SLC39A8: variants seen among roughly 807,000 people sequenced by gnomAD.
SLC39A8 encodes metal cation symporter ZIP8.
SLC39A8 carries 15 observed loss-of-function variants against 40.4 expected under a neutral mutation model. That is an observed-to-expected ratio of 0.37 (90% CI 0.25 to 0.57). The LOEUF is 0.57. Among genes scored for constraint, SLC39A8 ranks in the 20% least tolerant of loss-of-function variants. SLC39A8 has a pLI of 0.75. For missense variants in SLC39A8, 472 were observed against 558.8 expected, an observed-to-expected ratio of 0.84 and a Z score of 1.57; for synonymous variants, 223 against 221.6, an observed-to-expected ratio of 1.01 and a Z score of -0.06.
intron 2 of SLC39A8, among the ~76,000 whole-genome samples, chr4:102,343,996 T>C (rs1736048551): frequency 6.6e-6 from 1 of 152,154 alleles, no homozygotes; most frequent in Admixed American, 6.5e-5. Context: ...CGTTTTCAAA[T>C]AGCACTGGTT....
intron 6 of SLC39A8, among the ~76,000 whole-genome samples, chr4:102,298,956 TTCCTCCCAAGCCAATGTGGCAAGGCA>T (rs1369659391): frequency 1.3e-5 from 2 of 152,110 alleles, no homozygotes; most frequent in Non-Finnish European, 1.5e-5. Context: ...CCTCAAGTCC[TTCCTCCCAAGCCAATGTGGCAAGGCA>T]GCCACCCCAA....
At chr4:102,340,138 CCA>C (rs1489121117) in intron 2 of SLC39A8, among the ~76,000 whole-genome samples, 2 of 152,126 alleles carry the variant, frequency 1.3e-5, no homozygotes, top group Non-Finnish European at 2.9e-5. Context: ...TCATCTTAAA[CCA>C]TCTTCACCCA....
At chr4:102,336,927 AC>A (rs1199339449) in intron 2 of SLC39A8, among the ~76,000 whole-genome samples, 3 of 152,196 alleles carry the variant, frequency 2.0e-5, no homozygotes, top group Non-Finnish European at 4.4e-5. Flanking sequence ...TCTGAAAATT[AC>A]CTAGTTTTTT....
At chr4:102,306,938 T>C (rs1433496966) in intron 4 of SLC39A8, among the ~76,000 whole-genome samples, 1 of 152,058 alleles carries the variant, frequency 6.6e-6, no homozygotes, top group Admixed American at 6.6e-5. Context: ...TTTTCCACAG[T>C]TGGAAAAAAT....
intron 6 of SLC39A8, among the ~76,000 whole-genome samples, chr4:102,288,586 G>A (rs1733288550): frequency 6.6e-6 from 1 of 152,164 alleles, no homozygotes; most frequent in African/African-American, 2.4e-5. Flanking sequence ...GGTTTTGTGT[G>A]CCAAACAGCC....
chr4:102,336,558 GA>G (rs947346920), intron 2 of SLC39A8, among the ~76,000 whole-genome samples: 2 of 152,084 alleles, frequency 1.3e-5, no homozygotes, highest in Admixed American at 1.3e-4. Flanking sequence ...GTTATTTAAA[GA>G]AAAAAAGTCA....
chr4:102,284,985 T>C (rs950540144), intron 6 of SLC39A8, among the ~76,000 whole-genome samples: 1 of 152,202 alleles, frequency 6.6e-6, no homozygotes, highest in Admixed American at 6.6e-5. Flanking sequence ...GTGTTTCCTC[T>C]GCTGCTAAAC....
At chr4:102,255,697 A>G (rs1731692631) in intron 11 of SLC39A8, among the ~76,000 whole-genome samples, 1 of 152,184 alleles carries the variant, frequency 6.6e-6, no homozygotes, top group Non-Finnish European at 1.5e-5. Flanking sequence ...AAGCTTTTAC[A>G]TGGACAAGGG....
Position 102,344,493 on chromosome 4 carries a change from G to T in SLC39A8, c.170C>A (p.Ala57Asp). The T allele has an allele frequency of 6.4e-7, 1 of 1,554,084 alleles. No homozygotes were observed. Among genetic ancestry groups the T allele is most frequent in the Non-Finnish European group, 8.7e-7 (1 of 1,150,050 alleles). ...CTCCGGGACGCCCACGCGGGAGGCG[G>T]CTCCCATCTGCTCCAGCAAGTGCTG... ...QLQHLLEQMG[A>D]ASRVGVPEPG... is the part of the protein sequence containing the mutation. The change falls in exon 2 of 9, where the codon GCC becomes GAC. Residue 57 changes from alanine (A) to aspartate (D), a missense_variant. By Grantham distance (126) the Ala-to-Asp change is moderately radical. Around this residue, in one of 4 missense-constraint regions of SLC39A8, gnomAD observed 175 missense variants for 160.5 expected, o/e 1.09. Transcript: ENST00000356736.
chr4:102,327,341 C>T (rs1274807096), intron 2 of SLC39A8, among the ~76,000 whole-genome samples: 2 of 152,168 alleles, frequency 1.3e-5, no homozygotes, highest in African/African-American at 4.8e-5. Context: ...AATATTCCTT[C>T]CCCCTTCAGC....
rs915268525 is a variant in SLC39A8, at chr4:102,261,676, A to T, written c.*1368T>A. ...AAATGACACAATACATGGTTTCAAA[A>T]GGGTGTTTACTATTTGGCCAAACAA... On this transcript the variant is annotated 3_prime_UTR_variant, in exon 9 of 9. Transcript: ENST00000356736. 1 of 975,408 alleles carries T rather than the reference A, an allele frequency of 1.0e-6. No homozygotes were observed. Among genetic ancestry groups the T allele is most frequent in the African/African-American group, 1.8e-5 (1 of 56,984 alleles). 60.4% of individuals were successfully genotyped at this position (975,408 alleles called of 1,614,324 possible). A position where few individuals can be genotyped will look rare whatever the true frequency, so the allele number is the denominator to read the frequency against.
chr4:102,258,461 A>G (rs186702714), downstream of SLC39A8, among the ~76,000 whole-genome samples: 1 of 152,202 alleles, frequency 6.6e-6, no homozygotes, highest in Admixed American at 6.5e-5. Context: ...AAAATCCTAC[A>G]ATTACTTCAA....
At chr4:102,287,103 T>C (rs890881253) in intron 6 of SLC39A8, among the ~76,000 whole-genome samples, 1 of 152,100 alleles carries the variant, frequency 6.6e-6, no homozygotes, top group Non-Finnish European at 1.5e-5. Context: ...AATATAATAA[T>C]AGCTAAAAAG....
intron 6 of SLC39A8, among the ~76,000 whole-genome samples, chr4:102,283,378 GA>G (rs1461453493): frequency 2.6e-5 from 4 of 152,218 alleles, no homozygotes; most frequent in African/African-American, 7.2e-5. Flanking sequence ...TTCAGATGAG[GA>G]ATTTCTGAAT....
chr4:102,318,898 C>G (rs1256893206), intron 2 of SLC39A8, among the ~76,000 whole-genome samples: 2 of 152,100 alleles, frequency 1.3e-5, no homozygotes, highest in African/African-American at 4.8e-5. Flanking sequence ...AGCATGCTGC[C>G]CTGATGTTTG....
At chr4:102,333,644 C>T (rs1735558682) in intron 2 of SLC39A8, among the ~76,000 whole-genome samples, 1 of 152,106 alleles carries the variant, frequency 6.6e-6, no homozygotes, top group Admixed American at 6.5e-5. Context: ...CAGGTTTAGA[C>T]CTGTTGAGTT....
At chr4:102,342,778 G>A (rs973459086) in intron 2 of SLC39A8, among the ~76,000 whole-genome samples, 1 of 152,178 alleles carries the variant, frequency 6.6e-6, no homozygotes. Context: ...ATTTAGGCAT[G>A]TTTTCCAATG....
chr4:102,274,252 C>A (rs967809151), intron 6 of SLC39A8, among the ~76,000 whole-genome samples: 2 of 152,164 alleles, frequency 1.3e-5, no homozygotes, highest in South Asian at 4.2e-4. Context: ...TAGAGAAGAA[C>A]ATAAATGATC....
Position 102,344,608 on chromosome 4 carries a change from C to T in SLC39A8, c.55G>A (p.Gly19Arg), listed in dbSNP as rs780583835. Reference sequence around the variant, plus strand: ...AGCCCTGGCCCCTCCGCCACTCCTCCGAGGCCGGCGGCCGCCAGCAACAGG... The same window carrying T: ...AGCCCTGGCCCCTCCGCCACTCCTCTGAGGCCGGCGGCCGCCAGCAACAGG... The part of the protein sequence containing the change: ...GLLLLAAAGL[G>R]GVAEGPGLAF... The change falls in exon 2 of 9, where the codon GGA becomes AGA. Residue 19 changes from glycine to arginine, a missense_variant. Gly to Arg is a moderately radical substitution (Grantham distance 125). Around this residue, in one of 4 missense-constraint regions of SLC39A8, gnomAD observed 175 missense variants for 160.5 expected, o/e 1.09. Coordinates refer to ENST00000356736, the MANE Select transcript of SLC39A8 (RefSeq NM_001135146.2). The T allele has an allele frequency of 6.5e-6, 10 of 1,540,596 alleles. 1 individual carries two copies. In the Middle Eastern group the frequency reaches 5.1e-4, roughly 79 times the overall value.
Sources: gnomAD v4.1 joint callset for allele counts (sites outside exome capture counted in the v4.1 genomes callset) on GRCh38, gnomAD v4.1.1 for gene constraint, gnomAD v4.1.1 regional missense constraint, MANE v1.5 for transcripts, NCBI Gene and HGNC (gene_info 2026-07-23, HGNC 2026-07-21) for gene names.